Variants in SPINT2 observed in about 807,000 individuals in gnomAD.
The protein encoded by SPINT2 is serine peptidase inhibitor, Kunitz type 2, also known as kunitz-type protease inhibitor 2.
Under a neutral mutation model 30.1 loss-of-function variants are expected in SPINT2, and 18 were observed. The ratio of observed to expected loss-of-function variants is 0.60; its 90% CI spans 0.41 to 0.89. The LOEUF is 0.89. Ranked by LOEUF, SPINT2 falls within the 40% of genes least tolerant of loss-of-function variation. The pLI, the probability that SPINT2 is intolerant of heterozygous loss-of-function variation, is 0.00. For synonymous variants in SPINT2, 139 were observed against 137.9 expected, an observed-to-expected ratio of 1.01 and a Z score of -0.05; for missense variants, 276 against 334.3, an observed-to-expected ratio of 0.83 and a Z score of 1.36.
intron 1 of SPINT2, 36 bp downstream of exon 1, chr19:38,265,034 A>G (rs1336739206): frequency 1.8e-6 from 2 of 1,107,198 alleles, no homozygotes; most frequent in Middle Eastern, 3.0e-4. Context: ...GGCGGGGCGC[A>G]GGGGGCAGAG....
At chr19:38,265,549 G>C (rs1157262834) in intron 1 of SPINT2, 1 of 152,886 alleles carries the variant, frequency 6.5e-6, no homozygotes, top group African/African-American at 2.4e-5. Context: ...ACAAGCTTTG[G>C]GGAAGAGGAA....
At chr19:38,265,120 C>A in intron 1 of SPINT2, 122 bp downstream of exon 1, 2 of 850,488 alleles carry the variant, frequency 2.4e-6, no homozygotes, top group Admixed American at 2.6e-5. Flanking sequence ...TGGCGTTCAG[C>A]GGGTGTGGTG....
At chr19:38,267,498 T>C (rs1968393616) in intron 1 of SPINT2, among the ~76,000 whole-genome samples, 1 of 151,962 alleles carries the variant, frequency 6.6e-6, no homozygotes, top group Non-Finnish European at 1.5e-5. Flanking sequence ...CCGAGGTAGA[T>C]GGTAGGGCCA....
chr19:38,280,789 T>C (rs575887479), intron 1 of SPINT2, among the ~76,000 whole-genome samples: 1 of 152,308 alleles, frequency 6.6e-6, no homozygotes, highest in South Asian at 2.1e-4. Context: ...CCGGGTGTTG[T>C]TGGGCCCTCC....
Position 38,283,691 on chromosome 19 carries a change from T to C in SPINT2, c.171T>C (p.Asn57=), listed in dbSNP as rs755846896. 2.3e-5 allele frequency: 37 copies of C among 1,614,038 alleles called. 1 individual carries two copies. The South Asian group carries it at 2.7e-4, about 12-fold the overall frequency. Residue 57 remains asparagine (N), a synonymous_variant, in exon 2 of 7, where the codon AAT becomes AAC. Coordinates refer to ENST00000301244, the MANE Select transcript of SPINT2 (RefSeq NM_021102.4). Reference sequence around the variant, plus strand: ...CCTCCATGCCTAGGTGGTGGTACAATGTCACTGACGGATCCTGCCAGCTGT... The same window carrying C: ...CCTCCATGCCTAGGTGGTGGTACAACGTCACTGACGGATCCTGCCAGCTGT... ...CRASMPRWWY[N]VTDGSCQLFV...
chr19:38,283,915 C>T (rs1968612202), intron 2 of SPINT2, 118 bp downstream of exon 2: 5 of 1,222,344 alleles, frequency 4.1e-6, no homozygotes, highest in East Asian at 2.6e-5. Context: ...GATCTTGGCT[C>T]ACTGCAAGCT....
In SPINT2 at chr19:38,289,209, C is replaced by T. The variant is rs757659862; in HGVS notation, c.391+18C>T. 1 of 1,612,688 alleles carries T rather than the reference C, an allele frequency of 6.2e-7. No homozygotes were observed. The highest frequency in any genetic ancestry group is 8.5e-7 in the Non-Finnish European group (1 of 1,178,978). Reference sequence around the variant, plus strand: ...CTATGAAGGTAAAACTCCAAAGAGGCCAGGTGCGGTGGCTCACACCTGTAA... The same window carrying T: ...CTATGAAGGTAAAACTCCAAAGAGGTCAGGTGCGGTGGCTCACACCTGTAA... On this transcript the variant is annotated intron_variant, in intron 4 of 6. Transcript: ENST00000301244.
intron 1 of SPINT2, among the ~76,000 whole-genome samples, chr19:38,281,716 A>C (rs764598165): frequency 2.0e-5 from 3 of 152,154 alleles, no homozygotes; most frequent in Non-Finnish European, 4.4e-5. Context: ...TCTCAAAAAA[A>C]AAAAAATTAT....
At chr19:38,268,704 C>T (rs781547100) in intron 1 of SPINT2, among the ~76,000 whole-genome samples, 26 of 152,078 alleles carry the variant, frequency 1.7e-4, no homozygotes, top group East Asian at 5.8e-4. Flanking sequence ...AATGGTAACA[C>T]GTAACAGTTC....
intron 1 of SPINT2, among the ~76,000 whole-genome samples, chr19:38,281,461 A>G (rs993185191): frequency 1.2e-4 from 18 of 152,066 alleles, no homozygotes; most frequent in African/African-American, 3.6e-4. Context: ...TGTAATCCCA[A>G]CACTTTGGGA....
chr19:38,291,686 C>T (rs914518580), intron 6 of SPINT2, 154 bp from the exon 7 acceptor site: 7 of 891,980 alleles, frequency 7.8e-6, no homozygotes, highest in South Asian at 1.8e-5. Context: ...AGGCTGTGTC[C>T]TCTCCAGCTG....
At chr19:38,280,362 G>T (rs886756339) in intron 1 of SPINT2, among the ~76,000 whole-genome samples, 2 of 152,182 alleles carry the variant, frequency 1.3e-5, no homozygotes, top group Non-Finnish European at 2.9e-5. Flanking sequence ...TTCAAGCATC[G>T]TGTTCCATTG....
chr19:38,267,940 C>A (rs1316283629), intron 1 of SPINT2, among the ~76,000 whole-genome samples: 1 of 152,084 alleles, frequency 6.6e-6, no homozygotes, highest in Non-Finnish European at 1.5e-5. Flanking sequence ...GAGACCTCCC[C>A]ACTTGGAAGG....
intron 1 of SPINT2, 73 bp from the exon 2 acceptor site, chr19:38,283,554 G>A (rs1968604890): frequency 6.3e-7 from 1 of 1,590,952 alleles, no homozygotes. Context: ...GGGGATCCAT[G>A]TACAGGTCTG....
chr19:38,272,778 G>C (rs973033769), intron 1 of SPINT2, among the ~76,000 whole-genome samples: 1 of 152,160 alleles, frequency 6.6e-6, no homozygotes, highest in Non-Finnish European at 1.5e-5. Context: ...GGAGTGCAGT[G>C]GTGCGATCTC....
At chr19:38,286,112 T>C (rs554043597) in intron 2 of SPINT2, among the ~76,000 whole-genome samples, 3 of 152,216 alleles carry the variant, frequency 2.0e-5, no homozygotes, top group South Asian at 4.1e-4. Flanking sequence ...GGCGCTCCCA[T>C]GTGAGTCTGT....
At chr19:38,268,414 C>A (rs1445383105) in intron 1 of SPINT2, among the ~76,000 whole-genome samples, 1 of 152,146 alleles carries the variant, frequency 6.6e-6, no homozygotes, top group Non-Finnish European at 1.5e-5. Context: ...CTTTATGTGA[C>A]TTGTACTTTT....
intron 1 of SPINT2, among the ~76,000 whole-genome samples, chr19:38,282,069 A>T (rs146048661): frequency 1.3e-5 from 2 of 151,978 alleles, no homozygotes; most frequent in East Asian, 3.8e-4. Flanking sequence ...CCTGTGATCT[A>T]TTGTGTGGGT....
intron 1 of SPINT2, among the ~76,000 whole-genome samples, chr19:38,281,840 C>T (rs1295039050): frequency 6.6e-6 from 1 of 152,148 alleles, no homozygotes; most frequent in Non-Finnish European, 1.5e-5. Context: ...CCTAAAGATC[C>T]TTTTACCCAT....
Sources: allele counts gnomAD v4.1 joint callset (sites outside exome capture counted in the v4.1 genomes callset), GRCh38; gene constraint gnomAD v4.1.1; transcripts MANE v1.5; gene names NCBI Gene and HGNC (gene_info 2026-07-23, HGNC 2026-07-21).